Variants in PLPPR1 observed in about 807,000 individuals in gnomAD.
PLPPR1 encodes phospholipid phosphatase-related protein type 1.
PLPPR1 carries 10 observed loss-of-function variants against 33.1 expected under a neutral mutation model. The ratio of observed to expected loss-of-function variants is 0.30; its 90% confidence interval spans 0.19 to 0.51. The LOEUF (loss-of-function observed/expected upper bound fraction) is 0.51, where lower values mean the gene tolerates loss of function less well. Among genes scored for constraint, PLPPR1 ranks in the 20% least tolerant of loss-of-function variants. The pLI, the probability that PLPPR1 is intolerant of heterozygous loss-of-function variation, is 0.97. For missense variants in PLPPR1, 304 were observed against 408.1 expected, an observed-to-expected ratio of 0.74 and a Z score of 2.20; for synonymous variants, 151 against 151.0, an observed-to-expected ratio of 1.00 and a Z score of 0.00.
At chr9:101,117,658 TAAAA>T (rs534608741) in intron 1 of PLPPR1, among the ~76,000 whole-genome samples, 2 of 142,052 alleles carry the variant, frequency 1.4e-5, no homozygotes, top group African/African-American at 2.6e-5. Context: ...TGCTTTCACT[TAAAA>T]AAAAAAAAAA....
At chr9:101,244,069 A>T (rs1827535164) in intron 2 of PLPPR1, among the ~76,000 whole-genome samples, 1 of 151,964 alleles carries the variant, frequency 6.6e-6, no homozygotes, top group Admixed American at 6.6e-5. Context: ...ATATTCAAGA[A>T]AAAATGGAGT....
In PLPPR1 at chr9:101,266,968, A is replaced by G. The variant is rs557247255; in HGVS notation, c.64-2912A>G. Among the ~76,000 whole-genome samples the G allele has an allele frequency of 2.6e-5, 4 of 152,290 alleles. No individual in the cohort carries two copies. In the East Asian group the frequency reaches 5.8e-4, roughly 22 times the overall value. On this transcript the variant is annotated intron_variant, in intron 2 of 7. Transcript: ENST00000374874. ...CATTTTGATTTTTATTTTTTTATCCAGAAGCCCCCATAGATCTTGCCTATT... is the reference window on the plus strand; with the variant it reads ...CATTTTGATTTTTATTTTTTTATCCGGAAGCCCCCATAGATCTTGCCTATT...
intron 1 of PLPPR1, among the ~76,000 whole-genome samples, chr9:101,045,812 C>T (rs570371512): frequency 6.6e-6 from 1 of 152,282 alleles, no homozygotes; most frequent in African/African-American, 2.4e-5. Flanking sequence ...TCAATTTCTT[C>T]CTTGAAAAAT....
intron 2 of PLPPR1, among the ~76,000 whole-genome samples, chr9:101,195,631 T>G (rs909591934): frequency 1.3e-5 from 2 of 152,086 alleles, no homozygotes; most frequent in African/African-American, 4.8e-5. Context: ...TGAATACCTG[T>G]CATTCCAAAG....
At chr9:101,198,270 C>T (rs983396586) in intron 2 of PLPPR1, among the ~76,000 whole-genome samples, 1 of 152,060 alleles carries the variant, frequency 6.6e-6, no homozygotes, top group African/African-American at 2.4e-5. Flanking sequence ...TAAAAACATC[C>T]CTCCCCACAG....
chr9:101,062,186 G>A (rs1422035600), intron 1 of PLPPR1, among the ~76,000 whole-genome samples: 1 of 130,986 alleles, frequency 7.6e-6, no homozygotes, highest in African/African-American at 2.8e-5. Flanking sequence ...GTGTGTGTGT[G>A]TGTATGTTTT....
At chr9:101,169,722 A>G (rs1049305364) in intron 1 of PLPPR1, among the ~76,000 whole-genome samples, 1 of 152,158 alleles carries the variant, frequency 6.6e-6, no homozygotes, top group Non-Finnish European at 1.5e-5. Flanking sequence ...ATATCTTTTT[A>G]AAAAATAATC....
chr9:101,167,141 G>GGTGT (rs756843224), intron 1 of PLPPR1, among the ~76,000 whole-genome samples: 1,579 of 39,712 alleles, frequency 0.04, 93 homozygotes, highest in African/African-American at 0.099. Flanking sequence ...TATGTCTCTC[G>GGTGT]GTGTGTGTGT....
At chr9:101,314,018 A>G (rs1829009084) in intron 6 of PLPPR1, among the ~76,000 whole-genome samples, 1 of 152,146 alleles carries the variant, frequency 6.6e-6, no homozygotes, top group Admixed American at 6.5e-5. Context: ...ATTCCATTGC[A>G]TGGTCACACC....
At chr9:101,030,552 G>C (rs1176886854) in intron 1 of PLPPR1, among the ~76,000 whole-genome samples, 1 of 151,878 alleles carries the variant, frequency 6.6e-6, no homozygotes, top group Admixed American at 6.6e-5. Context: ...TCTCCATCTT[G>C]ACGTGTTGGT....
At chr9:101,074,214 A>T (rs1830511594) in intron 1 of PLPPR1, among the ~76,000 whole-genome samples, 1 of 152,218 alleles carries the variant, frequency 6.6e-6, no homozygotes, top group African/African-American at 2.4e-5. Flanking sequence ...TGGTTTGTGA[A>T]TGCTATATAT....
At chr9:101,128,898 G>A (rs995249824) in intron 1 of PLPPR1, among the ~76,000 whole-genome samples, 4 of 152,112 alleles carry the variant, frequency 2.6e-5, no homozygotes, top group African/African-American at 9.7e-5. Context: ...AAATCCTGTT[G>A]TTCTCTCAAA....
At chr9:101,065,133 CT>C (rs1830395527) in intron 1 of PLPPR1, among the ~76,000 whole-genome samples, 1 of 152,048 alleles carries the variant, frequency 6.6e-6, no homozygotes, top group Admixed American at 6.6e-5. Context: ...AATCCTTGGA[CT>C]TGCAGAGCAT....
intron 1 of PLPPR1, among the ~76,000 whole-genome samples, chr9:101,077,688 A>G (rs1830556119): frequency 6.6e-6 from 1 of 152,074 alleles, no homozygotes; most frequent in Non-Finnish European, 1.5e-5. Context: ...TCCCACGAGG[A>G]GCTCCAAAGT....
chr9:101,038,051 C>T (rs1304786140), intron 1 of PLPPR1, among the ~76,000 whole-genome samples: 1 of 151,956 alleles, frequency 6.6e-6, no homozygotes, highest in African/African-American at 2.4e-5. Context: ...TCTGCTCTAA[C>T]CTCTTTCCCA....
intron 2 of PLPPR1, among the ~76,000 whole-genome samples, chr9:101,225,634 G>A (rs956627149): frequency 6.6e-6 from 1 of 152,110 alleles, no homozygotes; most frequent in Non-Finnish European, 1.5e-5. Flanking sequence ...AAAGCAGTCA[G>A]AATGAGTTGG....
intron 1 of PLPPR1, among the ~76,000 whole-genome samples, chr9:101,184,803 G>A (rs1409338664): frequency 6.6e-6 from 1 of 151,960 alleles, no homozygotes; most frequent in Non-Finnish European, 1.5e-5. Context: ...TAAGCTAAGT[G>A]AATGTCTTAT....
intron 1 of PLPPR1, among the ~76,000 whole-genome samples, chr9:101,109,187 G>T (rs1588031925): frequency 6.9e-6 from 1 of 145,146 alleles, no homozygotes; most frequent in Non-Finnish European, 1.5e-5. Context: ...CCGTAGCCAG[G>T]ATGGTCTCTA....
chr9:101,208,230 A>C (rs925241961), intron 2 of PLPPR1, among the ~76,000 whole-genome samples: 1 of 152,236 alleles, frequency 6.6e-6, no homozygotes, highest in Non-Finnish European at 1.5e-5. Flanking sequence ...ACAGTGTAGA[A>C]GTGAATGCAT....
Sources: gnomAD v4.1 joint callset for allele counts (sites outside exome capture counted in the v4.1 genomes callset) on GRCh38, gnomAD v4.1.1 for gene constraint, MANE v1.5 for transcripts, NCBI Gene and HGNC (gene_info 2026-07-23, HGNC 2026-07-21) for gene names.